The following EYS variants were observed in gnomAD, a reference collection of about 807,000 sequenced individuals.
EYS encodes the protein protein eyes shut homolog.
Under a neutral mutation model 282.1 loss-of-function variants are expected in EYS, and 250 were observed. The observed-to-expected ratio is 0.89, with a 90% CI of 0.80 to 0.98. The LOEUF (loss-of-function observed/expected upper bound fraction) is 0.98, where lower values mean the gene tolerates loss of function less well. Among genes scored for constraint, EYS ranks in the 50% least tolerant of loss-of-function variants. EYS has a pLI of 0.00. For missense variants in EYS, 4,016 were observed against 3,709.0 expected, an observed-to-expected ratio of 1.08 and a Z score of -2.15; for synonymous variants, 1,355 against 1,282.9, an observed-to-expected ratio of 1.06 and a Z score of -1.20.
intron 28 of EYS, among the ~76,000 whole-genome samples, chr6:64,419,564 C>T (rs1192602051): frequency 6.6e-6 from 1 of 152,182 alleles, no homozygotes; most frequent in Non-Finnish European, 1.5e-5. Flanking sequence ...TAGTTACTTC[C>T]TAGATAAAAT....
intron 13 of EYS, among the ~76,000 whole-genome samples, chr6:65,019,998 T>C (rs1772198376): frequency 6.6e-6 from 1 of 151,350 alleles, no homozygotes; most frequent in Non-Finnish European, 1.5e-5. Flanking sequence ...GGCAAGAGAG[T>C]AACCCACCCC....
chr6:65,367,454 C>A (rs983971068), intron 8 of EYS, among the ~76,000 whole-genome samples: 4 of 151,382 alleles, frequency 2.6e-5, no homozygotes, highest in Non-Finnish European at 5.9e-5. Context: ...TGTTTCAGCA[C>A]TAGTAAAGAC....
rs140811000 is a variant in EYS, at chr6:64,634,849, G to T, written c.3444-8604C>A. Among the ~76,000 whole-genome samples the T allele has an allele frequency of 5.3e-4, 80 of 152,150 alleles. 1 individual carries two copies. Among genetic ancestry groups the T allele is most frequent in the South Asian group, 6.2e-4 (3 of 4,816 alleles). ...TAAAAGAAATTAGATTTTTATTAAGGGGACTATTTTTAAGAGATAACAAGC... is the reference window on the plus strand; with the variant it reads ...TAAAAGAAATTAGATTTTTATTAAGTGGACTATTTTTAAGAGATAACAAGC... On this transcript the variant is annotated intron_variant, in intron 22 of 42. Transcript: ENST00000503581.
At chr6:65,619,632 C>T (rs200415103) in intron 2 of EYS, among the ~76,000 whole-genome samples, 5 of 150,394 alleles carry the variant, frequency 3.3e-5, no homozygotes, top group East Asian at 2.0e-4. Context: ...GTCTTGTGCC[C>T]GTTTTCAAAG....
At chr6:64,106,965 A>G (rs78132431) in intron 31 of EYS, among the ~76,000 whole-genome samples, 3,860 of 151,846 alleles carry the variant, frequency 0.025, 64 homozygotes, top group Non-Finnish European at 0.041. Flanking sequence ...TACTAAGCCC[A>G]TAATGGCATC....
chr6:63,742,431 T>C (rs1405396911), intron 41 of EYS, among the ~76,000 whole-genome samples: 1 of 152,188 alleles, frequency 6.6e-6, no homozygotes, highest in Admixed American at 6.6e-5. Context: ...TGTTCTCTCA[T>C]GCTCCACTCC....
chr6:64,691,193 T>C (rs1284709396), intron 22 of EYS, among the ~76,000 whole-genome samples: 1 of 152,164 alleles, frequency 6.6e-6, no homozygotes, highest in Non-Finnish European at 1.5e-5. Context: ...GCATGTAACA[T>C]TAGATTTCAT....
At chr6:64,288,573 C>A (rs1257354549) in intron 30 of EYS, among the ~76,000 whole-genome samples, 1 of 152,072 alleles carries the variant, frequency 6.6e-6, no homozygotes, top group African/African-American at 2.4e-5. Context: ...AATCATTGGT[C>A]CAACTTATTA....
intron 33 of EYS, among the ~76,000 whole-genome samples, chr6:64,004,041 T>A (rs956517913): frequency 6.6e-6 from 1 of 152,194 alleles, no homozygotes; most frequent in Non-Finnish European, 1.5e-5. Context: ...GAGAATGGAC[T>A]AATACACAGA....
chr6:65,640,322 T>C (rs1230075965), intron 1 of EYS, among the ~76,000 whole-genome samples: 1 of 152,196 alleles, frequency 6.6e-6, no homozygotes, highest in Non-Finnish European at 1.5e-5. Flanking sequence ...AGGAAACCTC[T>C]AAAATTATAT....
intron 30 of EYS, among the ~76,000 whole-genome samples, chr6:64,256,173 T>C (rs755655211): frequency 6.6e-5 from 10 of 152,062 alleles, no homozygotes; most frequent in Non-Finnish European, 1.2e-4. Context: ...TCTGTCAATA[T>C]GTTAAATCTA....
chr6:64,992,565 T>C lies in EYS; in HGVS notation c.2259+5017A>G, dbSNP rs995960637. ...GCTAAGATATTTCAGGATGGATTAA[T>C]TTTGTCACACTCCAAAGTATCTGAG... On this transcript the variant is annotated intron_variant, in intron 14 of 42. Transcript: ENST00000503581. Among the ~76,000 whole-genome samples the C allele has an allele frequency of 2.6e-5, 4 of 151,970 alleles. No homozygotes were observed. The East Asian group carries it at 7.7e-4, about 29-fold the overall frequency.
At chr6:65,374,007 T>C (rs2150343856) in intron 8 of EYS, among the ~76,000 whole-genome samples, 1 of 152,348 alleles carries the variant, frequency 6.6e-6, no homozygotes, top group East Asian at 1.9e-4. Context: ...TGTTCTGTGA[T>C]ATGAAAATAT....
Position 64,140,192 on chromosome 6 carries a change from A to T in EYS, c.6425-58190T>A, listed in dbSNP as rs985392743. On this transcript the variant is annotated intron_variant, in intron 31 of 42. Coordinates refer to ENST00000503581, the MANE Select transcript of EYS (RefSeq NM_001142800.2). ...TATTCTATTCCTGGGGTAACCCCCCATCTATTTTGTCTGAATGTTTATATT... is the reference window on the plus strand; with the variant it reads ...TATTCTATTCCTGGGGTAACCCCCCTTCTATTTTGTCTGAATGTTTATATT... Among the ~76,000 whole-genome samples, 4 of 152,166 alleles carry T rather than the reference A, an allele frequency of 2.6e-5. No individual in the cohort carries two copies. In the East Asian group the frequency reaches 7.7e-4, roughly 29 times the overall value.
At chr6:64,687,326 A>G (rs1770192662) in intron 22 of EYS, among the ~76,000 whole-genome samples, 1 of 152,184 alleles carries the variant, frequency 6.6e-6, no homozygotes, top group Non-Finnish European at 1.5e-5. Flanking sequence ...TGTTACAAAA[A>G]TAACATATTT....
chr6:65,448,931 C>G (rs148005119), intron 5 of EYS, among the ~76,000 whole-genome samples: 2 of 152,226 alleles, frequency 1.3e-5, no homozygotes, highest in East Asian at 3.9e-4. Context: ...ATAATCTTAT[C>G]TGTAAGCAAT....
chr6:64,066,315 C>T lies in EYS; in HGVS notation c.6725+23G>A, dbSNP rs367741282. ...CAAACAAAATTTCAGCACGAAAGAA[C>T]TACCGTGGAGTACAGTACTTACCGT... On this transcript the variant is annotated intron_variant, in intron 33 of 42. Coordinates refer to ENST00000503581, the MANE Select transcript of EYS (RefSeq NM_001142800.2). The T allele has an allele frequency of 4.6e-6, 7 of 1,526,458 alleles. No individual in the cohort carries two copies. The African/African-American group carries it at 9.8e-5, about 21-fold the overall frequency. 94.6% of individuals were successfully genotyped at this position (1,526,458 alleles called of 1,614,324 possible).
intron 9 of EYS, among the ~76,000 whole-genome samples, chr6:65,344,796 A>G (rs1383759781): frequency 6.6e-6 from 1 of 151,716 alleles, no homozygotes; most frequent in African/African-American, 2.4e-5. Flanking sequence ...AAAGGAGTTA[A>G]TTAAACTGGG....
At chr6:64,957,254 A>G (rs988656093) in intron 14 of EYS, among the ~76,000 whole-genome samples, 11 of 152,210 alleles carry the variant, frequency 7.2e-5, no homozygotes, top group Middle Eastern at 3.2e-3. Flanking sequence ...GAGAAGAATG[A>G]GATCCTGTCA....
Sources: allele counts gnomAD v4.1 joint callset (sites outside exome capture counted in the v4.1 genomes callset), GRCh38; gene constraint gnomAD v4.1.1; transcripts MANE v1.5; gene names NCBI Gene and HGNC (gene_info 2026-07-23, HGNC 2026-07-21).